SLC4A5: variants seen among roughly 807,000 people sequenced by gnomAD.
SLC4A5 encodes electrogenic sodium bicarbonate cotransporter 4.
Under a neutral mutation model 120.4 loss-of-function variants are expected in SLC4A5, and 96 were observed. The ratio of observed to expected loss-of-function variants is 0.80; its 90% confidence interval spans 0.68 to 0.94. SLC4A5 has a LOEUF of 0.94. SLC4A5 is among the 40% of genes least tolerant of loss of function. The pLI, the probability that SLC4A5 is intolerant of heterozygous loss-of-function variation, is 0.00. For missense variants in SLC4A5, 1,259 were observed against 1,459.5 expected (o/e 0.86, Z 2.24); for synonymous variants, 550 against 571.1 (o/e 0.96, Z 0.53).
exon 31 of SLC4A5, chr2:74,217,614 C>T (rs1056587909): frequency 6.6e-6 from 1 of 152,172 alleles, no homozygotes; most frequent in South Asian, 2.1e-4. Flanking sequence ...ACCAGTGATA[C>T]TAATTTAAAG....
At chr2:74,289,860 A>T (rs992110441) in intron 7 of SLC4A5, among the ~76,000 whole-genome samples, 1 of 152,228 alleles carries the variant, frequency 6.6e-6, no homozygotes, top group African/African-American at 2.4e-5. Flanking sequence ...GGAGGATGGC[A>T]TGAAAAAGAA....
At chr2:74,322,846 G>A (rs900812266) in intron 5 of SLC4A5, among the ~76,000 whole-genome samples, 27 of 152,160 alleles carry the variant, frequency 1.8e-4, no homozygotes, top group African/African-American at 5.8e-4. Context: ...AGAAAAGAAA[G>A]ATCCCAAAAA....
chr2:74,276,083 G>C (rs3771729), intron 8 of SLC4A5, among the ~76,000 whole-genome samples: 5 of 152,038 alleles, frequency 3.3e-5, no homozygotes, highest in Admixed American at 6.6e-5. Context: ...GCTAAGCATG[G>C]TTTTTATATA....
At chr2:74,284,440 A>G (rs2104162409) in intron 8 of SLC4A5, among the ~76,000 whole-genome samples, 1 of 148,346 alleles carries the variant, frequency 6.7e-6, no homozygotes, top group Non-Finnish European at 1.5e-5. Flanking sequence ...TCGGCCTCCC[A>G]AAGTGCTGGG....
chr2:74,242,780 G>A (rs1441137232), intron 19 of SLC4A5, among the ~76,000 whole-genome samples: 2 of 152,154 alleles, frequency 1.3e-5, no homozygotes, highest in Admixed American at 6.5e-5. Context: ...ACCCTCCCGA[G>A]TAGCTGGGAC....
At chr2:74,248,246 G>A (rs766248182) in intron 18 of SLC4A5, 107 bp downstream of exon 18, 18 of 1,426,532 alleles carry the variant, frequency 1.3e-5, no homozygotes, top group Non-Finnish European at 1.7e-5. Flanking sequence ...GATGGCTTTG[G>A]CACCACCGCA....
At chr2:74,332,207 T>C (rs1217562049) in intron 4 of SLC4A5, among the ~76,000 whole-genome samples, 1 of 152,224 alleles carries the variant, frequency 6.6e-6, no homozygotes, top group Non-Finnish European at 1.5e-5. Flanking sequence ...AGTCCAGCAC[T>C]GAAGAATTAG....
chr2:74,222,994 A>G lies in SLC4A5; in HGVS notation c.3247-42T>C, dbSNP rs968222173. Reference sequence around the variant, plus strand: ...GGAAAAGAGGATAAACACCAACACAACAATTTGGCTTTCTTTTTTTTTTTT... The same window carrying G: ...GGAAAAGAGGATAAACACCAACACAGCAATTTGGCTTTCTTTTTTTTTTTT... On this transcript the variant is annotated intron_variant, in intron 28 of 30. Transcript: ENST00000394019. The G allele has an allele frequency of 6.2e-5, 86 of 1,391,390 alleles. 1 individual carries two copies. Among genetic ancestry groups the G allele is most frequent in the Non-Finnish European group, 8.1e-5 (82 of 1,008,998 alleles). The allele number at this position is 1,391,390 out of a possible 1,614,324, so 86.2% of individuals were successfully genotyped here. A position where few individuals can be genotyped will look rare whatever the true frequency, so the allele number is the denominator to read the frequency against.
chr2:74,224,838 ACCT>A lies in SLC4A5; in HGVS notation c.3245_3246+1del, dbSNP rs756736527. 21 of 1,604,476 alleles carry A rather than the reference ACCT, an allele frequency of 1.3e-5. No homozygotes were observed. Among genetic ancestry groups the A allele is most frequent in the South Asian group, 5.6e-5 (5 of 89,484 alleles). ...TGTGCCCCGGCCTCACATCTTCCCC[ACCT>A]CCTCATCACAGTCCTCGTGGGCCCC... On this transcript the variant is annotated splice_donor_variant and coding_sequence_variant, in exon 28 of 31. Coordinates refer to ENST00000394019, the Ensembl canonical transcript of SLC4A5. LOFTEE classifies it high-confidence loss of function.
In SLC4A5 at chr2:74,279,559, T is replaced by C. The variant is rs1573055957; in HGVS notation, c.401+6214A>G. ...ACAGACCTCAGGGGCAACCTTATCC[T>C]TTTCTGTGGGCTTGATTTCCACCTA... is the stretch of plus-strand genomic sequence containing the variant. On this transcript the variant is annotated intron_variant, in intron 8 of 30. Coordinates refer to ENST00000394019, the Ensembl canonical transcript of SLC4A5. Among the ~76,000 whole-genome samples the C allele has an allele frequency of 2.0e-5, 3 of 152,226 alleles. No individual in the cohort carries two copies. In the South Asian group the frequency reaches 6.2e-4, roughly 32 times the overall value.
chr2:74,266,841 T>TA (rs1671317393), intron 8 of SLC4A5, among the ~76,000 whole-genome samples: 1 of 151,994 alleles, frequency 6.6e-6, no homozygotes, highest in Middle Eastern at 3.2e-3. Context: ...TGCACAAAAC[T>TA]AAAATAAATG....
At chr2:74,343,246 T>C (rs973170600) in intron 1 of SLC4A5, 110 bp downstream of exon 1, 3 of 152,264 alleles carry the variant, frequency 2.0e-5, no homozygotes, top group Non-Finnish European at 2.9e-5. Context: ...CATCTGACTC[T>C]TGGTGGGCTG....
intron 7 of SLC4A5, chr2:74,290,305 C>A: frequency 2.0e-6 from 2 of 985,556 alleles, no homozygotes; most frequent in Non-Finnish European, 2.4e-6. Context: ...CTGGCCCCAG[C>A]CTGCTTCCGC....
intron 20 of SLC4A5, 55 bp from the exon 21 acceptor site, chr2:74,239,590 G>A (rs879811575): frequency 1.9e-6 from 3 of 1,572,384 alleles, no homozygotes; most frequent in Non-Finnish European, 2.6e-6. Context: ...TGAGTCAGCT[G>A]TGTCCTTCCC....
At chr2:74,279,031 C>G (rs974961439) in intron 8 of SLC4A5, among the ~76,000 whole-genome samples, 2 of 152,220 alleles carry the variant, frequency 1.3e-5, no homozygotes. Context: ...GGCCGCCTTG[C>G]TCCATCCAGC....
At position 74,253,201 on chromosome 2, in the gene SLC4A5, A is replaced by G. The variant is rs1214727940; in HGVS notation, c.1114-73T>C. 2.0e-5 allele frequency: 32 copies of G among 1,561,938 alleles called. 1 individual carries two copies. The Admixed American group carries it at 6.2e-4, about 30-fold the overall frequency. ...AAATGCCTGGGAGCATATCACATCT[A>G]GTTTTTAAAGGAATCCCTTTGAACC... On this transcript the variant is annotated intron_variant, in intron 14 of 30. Coordinates refer to ENST00000394019, the Ensembl canonical transcript of SLC4A5.
intron 16 of SLC4A5, among the ~76,000 whole-genome samples, chr2:74,251,183 A>G (rs554794220): frequency 1.3e-5 from 2 of 152,042 alleles, no homozygotes; most frequent in African/African-American, 4.8e-5. Flanking sequence ...GCTACCTACT[A>G]GATGCGAGTA....
At chr2:74,307,451 G>T in intron 6 of SLC4A5, 1 of 629,886 alleles carries the variant, frequency 1.6e-6, no homozygotes, top group South Asian at 1.4e-5. Flanking sequence ...TGTCATCAAT[G>T]ACCTTGTGGA....
At chr2:74,235,287 C>T (rs111791498) in intron 21 of SLC4A5, 73 bp from the exon 22 acceptor site, 35 of 1,142,358 alleles carry the variant, frequency 3.1e-5, no homozygotes, top group Middle Eastern at 2.0e-4. Flanking sequence ...CCCAGTCCTC[C>T]GGCAGCAAAG....
Sources: gnomAD v4.1 joint callset for allele counts (sites outside exome capture counted in the v4.1 genomes callset) on GRCh38, gnomAD v4.1.1 for gene constraint, MANE v1.5 for transcripts, NCBI Gene and HGNC (gene_info 2026-07-23, HGNC 2026-07-21) for gene names.